KRABD3: variants seen among roughly 807,000 people sequenced by gnomAD.
The protein encoded by KRABD3 is KRAB domain-containing protein 3.
At chr7:149,730,280 C>T in the KRABD3 span, 2 of 1,551,944 alleles carry the variant, frequency 1.3e-6, 1 homozygote, top group East Asian at 4.9e-5. Flanking sequence ...GCTCGAGCTT[C>T]AGCGGCTCTG....
At chr7:149,721,057 C>T in the KRABD3 span, 51 of 1,557,386 alleles carry the variant, frequency 3.3e-5, no homozygotes, top group Admixed American at 5.5e-4. Context: ...CACAAGTCCA[C>T]GGCACTGCAC....
the KRABD3 span, chr7:149,725,798 A>G: frequency 7.9e-7 from 1 of 1,260,848 alleles, no homozygotes; most frequent in Non-Finnish European, 1.1e-6. Flanking sequence ...ACTTTGGGGC[A>G]GGGTCTTCTG....
the KRABD3 span, chr7:149,731,799 T>G: frequency 6.4e-7 from 1 of 1,567,988 alleles, no homozygotes; most frequent in Non-Finnish European, 8.7e-7. Flanking sequence ...CTTCCCCCAT[T>G]CCCTCTGCAC....
the KRABD3 span, chr7:149,725,232 C>T: frequency 5.1e-6 from 7 of 1,373,762 alleles, no homozygotes; most frequent in South Asian, 5.7e-5. Flanking sequence ...GTAGAAAGCA[C>T]GTCGGGTAGA....
the KRABD3 span, chr7:149,728,718 C>T: frequency 6.3e-7 from 1 of 1,596,438 alleles, no homozygotes; most frequent in Non-Finnish European, 8.5e-7. Context: ...CAGGGCTGCT[C>T]TGAGGATGCC....
At chr7:149,733,817 G>A in the KRABD3 span, 134 of 1,603,672 alleles carry the variant, frequency 8.4e-5, no homozygotes, top group African/African-American at 2.9e-4. Context: ...CGCACATACC[G>A]GGGGCCACCA....
chr7:149,721,471 CA>C, the KRABD3 span: 1 of 1,613,152 alleles, frequency 6.2e-7, no homozygotes, highest in Admixed American at 1.7e-5. Flanking sequence ...CCACCACGCC[CA>C]CCGACAGCTC....
At chr7:149,725,500 C>T in the KRABD3 span, 1 of 1,592,028 alleles carries the variant, frequency 6.3e-7, no homozygotes, top group Admixed American at 1.7e-5. Context: ...TAGATTGTGG[C>T]CATGGGCGCG....
At chr7:149,720,709 TCTCCTCTGGCTGCTC>T in the KRABD3 span, 4 of 989,208 alleles carry the variant, frequency 4.0e-6, no homozygotes, top group Non-Finnish European at 5.9e-6. Context: ...GGACATGGTG[TCTCCTCTGGCTGCTC>T]CTCATGTGGC....
At chr7:149,733,987 G>T in the KRABD3 span, 1 of 1,610,398 alleles carries the variant, frequency 6.2e-7, no homozygotes, top group Non-Finnish European at 8.5e-7. Flanking sequence ...GAGTGCAGAG[G>T]GCCCTCCAGG....
chr7:149,731,705 T>C, the KRABD3 span: 1 of 1,612,184 alleles, frequency 6.2e-7, no homozygotes, highest in African/African-American at 1.3e-5. Flanking sequence ...GTTTCTCAGC[T>C]GGAGAAAAGG....
chr7:149,728,550 A>C, the KRABD3 span: 1 of 1,613,688 alleles, frequency 6.2e-7, no homozygotes, highest in South Asian at 1.1e-5. Flanking sequence ...TCCCCACTGC[A>C]GGGTCTGGAG....
the KRABD3 span, among the ~76,000 whole-genome samples, chr7:149,731,396 C>A: frequency 3.9e-5 from 6 of 152,170 alleles, no homozygotes; most frequent in Non-Finnish European, 8.8e-5. Context: ...CTCACTGGGG[C>A]AGGACCCGCA....
At chr7:149,730,039 A>G in the KRABD3 span, 2 of 1,400,656 alleles carry the variant, frequency 1.4e-6, no homozygotes, top group Admixed American at 6.2e-5. Flanking sequence ...ACGCATGCTG[A>G]TCGTGGGCTG....
At chr7:149,724,837 C>T in the KRABD3 span, 1 of 1,584,266 alleles carries the variant, frequency 6.3e-7, no homozygotes, top group Non-Finnish European at 8.6e-7. Context: ...CAGCTGGGGC[C>T]CTGAGGCTCA....
At chr7:149,729,682 C>T in the KRABD3 span, 1 of 985,462 alleles carries the variant, frequency 1.0e-6, no homozygotes, top group Non-Finnish European at 1.2e-6. Flanking sequence ...AGCAGAATTC[C>T]TTCCTAGATC....
the KRABD3 span, chr7:149,721,443 C>T: frequency 6.2e-7 from 1 of 1,612,778 alleles, no homozygotes; most frequent in East Asian, 2.2e-5. Context: ...GACGGCCCTA[C>T]CAGCCAGCCC....
At chr7:149,719,115 C>T in the KRABD3 span, among the ~76,000 whole-genome samples, 9 of 152,214 alleles carry the variant, frequency 5.9e-5, no homozygotes, top group Admixed American at 5.9e-4. This position sits in a 1 kb window ranked among gnomAD's most constrained non-coding sequence, Gnocchi z 5.6. Flanking sequence ...TCCTTCTTGC[C>T]TCTTGTGGCT....
the KRABD3 span, among the ~76,000 whole-genome samples, chr7:149,726,720 G>A: frequency 1.3e-5 from 2 of 152,030 alleles, no homozygotes; most frequent in African/African-American, 2.4e-5. Context: ...TTATGGGGAT[G>A]AGCCACCGCG....
Sources: allele counts gnomAD v4.1 joint callset (sites outside exome capture counted in the v4.1 genomes callset), GRCh38; gene constraint gnomAD v4.1.1; non-coding constraint Gnocchi (gnomAD v3.1); transcripts MANE v1.5; gene names NCBI Gene and HGNC (gene_info 2026-07-23, HGNC 2026-07-21).